The following CEP290 variants were observed in gnomAD, a reference collection of about 807,000 sequenced individuals.
CEP290 encodes centrosomal protein of 290 kDa.
CEP290 carries 317 observed loss-of-function variants against 344.9 expected under a neutral mutation model. The observed-to-expected ratio is 0.92, with a 90% CI of 0.84 to 1.01. The LOEUF is 1.01. Ranked by LOEUF, CEP290 falls within the 50% of genes least tolerant of loss-of-function variation. The pLI is 0.00. For missense variants in CEP290, 2,754 were observed against 2,761.4 expected (o/e 1.00, Z 0.06); for synonymous variants, 932 against 895.8 (o/e 1.04, Z -0.72).
chr12:88,124,627 G>A (rs189806087), intron 13 of CEP290, among the ~76,000 whole-genome samples: 106 of 151,974 alleles, frequency 7.0e-4, no homozygotes, highest in Middle Eastern at 6.8e-3. Context: ...GATTCCATGC[G>A]CGTGTGTATA....
chr12:88,050,272 G>T, intron 53 of CEP290, 82 bp downstream of exon 53: 2 of 683,996 alleles, frequency 2.9e-6, no homozygotes, highest in Non-Finnish European at 2.5e-6. Flanking sequence ...AATTTTTTAG[G>T]ATACGTAGTT....
At chr12:88,072,865 G>A (rs888990331) in intron 41 of CEP290, among the ~76,000 whole-genome samples, 3 of 151,990 alleles carry the variant, frequency 2.0e-5, no homozygotes, top group Admixed American at 1.3e-4. Context: ...GGGAGCAAAC[G>A]ATACAGATAA....
At chr12:88,110,476 C>A (rs1164689251) in intron 22 of CEP290, among the ~76,000 whole-genome samples, 1 of 151,920 alleles carries the variant, frequency 6.6e-6, no homozygotes, top group African/African-American at 2.4e-5. Flanking sequence ...CTTGGGAGGC[C>A]AAGGCAGGCG....
intron 43 of CEP290, among the ~76,000 whole-genome samples, chr12:88,069,603 C>T (rs1446146301): frequency 6.6e-6 from 1 of 152,106 alleles, no homozygotes; most frequent in African/African-American, 2.4e-5. Flanking sequence ...TTTTCCCTAT[C>T]AAGGAAACTT....
intron 32 of CEP290, 36 bp downstream of exon 32, chr12:88,087,742 AAC>A: frequency 1.3e-4 from 105 of 814,622 alleles, no homozygotes; most frequent in Middle Eastern, 8.8e-4. Flanking sequence ...AAAAAAAAAA[AAC>A]TTAGGGAAAA....
chr12:88,135,456 A>G (rs1337702205), intron 6 of CEP290, among the ~76,000 whole-genome samples: 1 of 152,192 alleles, frequency 6.6e-6, no homozygotes, highest in Non-Finnish European at 1.5e-5. Flanking sequence ...AGTGTATATT[A>G]TAAGTTAGAT....
At chr12:88,109,469 C>T (rs1468026907) in intron 22 of CEP290, among the ~76,000 whole-genome samples, 1 of 152,150 alleles carries the variant, frequency 6.6e-6, no homozygotes, top group Non-Finnish European at 1.5e-5. Context: ...CGGCCACATA[C>T]CCTCTCTTAT....
chr12:88,092,854 T>C, intron 28 of CEP290, 22 bp from the exon 29 acceptor site: 1 of 1,605,664 alleles, frequency 6.2e-7, no homozygotes, highest in Non-Finnish European at 8.5e-7. Flanking sequence ...TAACAAAAAA[T>C]GTTCAGATAC....
intron 44 of CEP290, among the ~76,000 whole-genome samples, chr12:88,066,386 A>G (rs1035263190): frequency 6.6e-6 from 1 of 151,610 alleles, no homozygotes; most frequent in Non-Finnish European, 1.5e-5. Flanking sequence ...TATAACCTCA[A>G]ACTCCTGGGC....
At chr12:88,075,682 A>G (rs2035715125) in intron 41 of CEP290, among the ~76,000 whole-genome samples, 1 of 152,164 alleles carries the variant, frequency 6.6e-6, no homozygotes, top group African/African-American at 2.4e-5. Context: ...TTTACAGAGA[A>G]AAGGGTACTA....
In CEP290 at chr12:88,121,101, T is replaced by C. The variant is rs376808205; in HGVS notation, c.1255A>G (p.Lys419Glu). The C allele has an allele frequency of 5.0e-6, 8 of 1,613,406 alleles. No individual in the cohort carries two copies. Among genetic ancestry groups the C allele is most frequent in the African/African-American group, 1.3e-5 (1 of 74,926 alleles). Residue 419 changes from lysine (K) to glutamate (E), a missense_variant, in exon 14 of 54, where the codon AAA becomes GAA. Transcript: ENST00000552810. The part of the protein sequence containing the change: ...IQSTLDILKE[K>E]TKEAERTAEL... ...GCTGTTCTCTCAGCCTCTTTAGTTTTCTCTTTTAAAATGTCTAACGTTGAC... is the reference window on the plus strand; with the variant it reads ...GCTGTTCTCTCAGCCTCTTTAGTTTCCTCTTTTAAAATGTCTAACGTTGAC...
At position 88,141,019 on chromosome 12, in the gene CEP290, C is replaced by T; in HGVS notation, c.117G>A (p.Glu39=). The change falls in exon 3 of 54, where the codon GAG becomes GAA. Residue 39 remains glutamate, a synonymous_variant. Transcript: ENST00000552810. ...LISLSKVEVN[E]LKSEKQENVI... Reference sequence around the variant, plus strand: ...CATTTTCTTGCTTTTCACTTTTTAGCTCATTTACTTCCACCTAAGTAAACA... The same window carrying T: ...CATTTTCTTGCTTTTCACTTTTTAGTTCATTTACTTCCACCTAAGTAAACA... The T allele has an allele frequency of 6.3e-7, 1 of 1,585,008 alleles. No homozygotes were observed. Among genetic ancestry groups the T allele is most frequent in the African/African-American group, 1.4e-5 (1 of 73,992 alleles).
intron 15 of CEP290, among the ~76,000 whole-genome samples, chr12:88,119,060 C>G (rs1423376199): frequency 6.6e-6 from 1 of 152,016 alleles, no homozygotes. Flanking sequence ...CTTCCAGATT[C>G]TTGGCTGTGA....
At chr12:88,139,897 C>T (rs1253120009) in intron 3 of CEP290, among the ~76,000 whole-genome samples, 1 of 151,846 alleles carries the variant, frequency 6.6e-6, no homozygotes, top group Non-Finnish European at 1.5e-5. Flanking sequence ...CTTGGCGTGC[C>T]ATCATGCTTG....
intron 10 of CEP290, 51 bp downstream of exon 10, chr12:88,129,643 T>G: frequency 1.1e-4 from 112 of 1,048,096 alleles, no homozygotes; most frequent in Non-Finnish European, 1.4e-4. Flanking sequence ...TAAATAGTAA[T>G]GAGATAATAT....
chr12:88,093,545 A>T, intron 28 of CEP290: 1 of 442,556 alleles, frequency 2.3e-6, no homozygotes, highest in Non-Finnish European at 4.0e-6. Flanking sequence ...ACATTTCATA[A>T]ATTAAATCTA....
In CEP290 at chr12:88,060,970, G is replaced by A; in HGVS notation, c.6382C>T (p.Pro2128Ser). The change falls in exon 47 of 54, where the codon CCA becomes TCA. Residue 2128 changes from proline (P) to serine (S), a missense_variant. Pro to Ser is a moderately conservative substitution (Grantham distance 74). Transcript: ENST00000552810. ...AAACCAATGGTTTTTTCCAGTTCTGGGATTGTCTTTCCACTTCTACCAGAC... is the reference window on the plus strand; with the variant it reads ...AAACCAATGGTTTTTTCCAGTTCTGAGATTGTCTTTCCACTTCTACCAGAC... ...RGSGRSGKTI[P>S]ELEKTIGLMK... 6.4e-7 allele frequency: 1 copy of A among 1,557,632 alleles called. No individual in the cohort carries two copies. Among genetic ancestry groups the A allele is most frequent in the Non-Finnish European group, 8.7e-7 (1 of 1,150,916 alleles).
intron 20 of CEP290, among the ~76,000 whole-genome samples, chr12:88,112,543 A>C (rs1400029636): frequency 2.0e-5 from 3 of 152,160 alleles, no homozygotes; most frequent in Admixed American, 2.0e-4. Flanking sequence ...CAACAGTGGC[A>C]TATCTAAGTA....
intron 52 of CEP290, among the ~76,000 whole-genome samples, chr12:88,052,179 A>G (rs548740461): frequency 6.6e-6 from 1 of 152,326 alleles, no homozygotes; most frequent in East Asian, 1.9e-4. Flanking sequence ...AGCATACTGA[A>G]AAAGCTACAA....
Sources: allele counts gnomAD v4.1 joint callset (sites outside exome capture counted in the v4.1 genomes callset), GRCh38; gene constraint gnomAD v4.1.1; transcripts MANE v1.5; gene names NCBI Gene and HGNC (gene_info 2026-07-23, HGNC 2026-07-21).